The following LOC128462377 variants were observed in gnomAD, a reference collection of about 807,000 sequenced individuals.
chr16:89,330,657 T>TGGGGGGGGGGGG, the LOC128462377 span, among the ~76,000 whole-genome samples: 1 of 5,082 alleles, frequency 2.0e-4, no homozygotes, highest in East Asian at 0.062. Context: ...GTACAGTGAC[T>TGGGGGGGGGGGG]GGGGGGGGGG....
chr16:89,416,955 G>A, the LOC128462377 span, among the ~76,000 whole-genome samples: 2 of 151,798 alleles, frequency 1.3e-5, no homozygotes, highest in African/African-American at 4.8e-5. Flanking sequence ...TCACAACCAG[G>A]CTCAGTCCAC....
the LOC128462377 span, among the ~76,000 whole-genome samples, chr16:89,326,562 GA>G: frequency 1.3e-5 from 2 of 152,080 alleles, no homozygotes; most frequent in Non-Finnish European, 2.9e-5. Context: ...GCAATGTAGG[GA>G]AACCTCATCT....
At chr16:89,357,268 TAAA>T in the LOC128462377 span, among the ~76,000 whole-genome samples, 1 of 152,156 alleles carries the variant, frequency 6.6e-6, no homozygotes, top group East Asian at 1.9e-4. Context: ...AATCTGCTGA[TAAA>T]AGTCACACCA....
chr16:89,321,451 G>T, the LOC128462377 span, among the ~76,000 whole-genome samples: 2 of 145,748 alleles, frequency 1.4e-5, no homozygotes, highest in East Asian at 2.0e-4. Context: ...GGTGTGGGGC[G>T]GGAGCTGCGG....
the LOC128462377 span, among the ~76,000 whole-genome samples, chr16:89,415,850 A>AAAAAAAAAAAAAAAAAAAAT: frequency 6.8e-6 from 1 of 147,384 alleles, no homozygotes; most frequent in Non-Finnish European, 1.5e-5. Context: ...AAAAAAAAAA[A>AAAAAAAAAAAAAAAAAAAAT]CAATGGAGAA....
chr16:89,411,127 A>AGGC, the LOC128462377 span, among the ~76,000 whole-genome samples: 1 of 152,268 alleles, frequency 6.6e-6, no homozygotes, highest in Non-Finnish European at 1.5e-5. Context: ...CCAGGGCAGA[A>AGGC]GGCAGCAGCA....
the LOC128462377 span, among the ~76,000 whole-genome samples, chr16:89,405,193 C>A: frequency 6.6e-6 from 1 of 151,892 alleles, no homozygotes; most frequent in African/African-American, 2.4e-5. Context: ...GACTCCATCT[C>A]AAAAAAATAA....
At chr16:89,351,756 G>A in the LOC128462377 span, among the ~76,000 whole-genome samples, 1 of 152,224 alleles carries the variant, frequency 6.6e-6, no homozygotes, top group Non-Finnish European at 1.5e-5. Context: ...GGAACAAGGA[G>A]TGACGATTAA....
the LOC128462377 span, among the ~76,000 whole-genome samples, chr16:89,405,134 C>T: frequency 0.36 from 55,195 of 151,856 alleles, 11,363 homozygotes; most frequent in Middle Eastern, 0.53. Flanking sequence ...GGCGAGGTTG[C>T]GGTGAGTGGA....
the LOC128462377 span, among the ~76,000 whole-genome samples, chr16:89,333,063 T>C: frequency 6.6e-6 from 1 of 152,160 alleles, no homozygotes; most frequent in Non-Finnish European, 1.5e-5. Flanking sequence ...GAAGGGCCCC[T>C]GTGGGGCATG....
chr16:89,387,915 C>A, the LOC128462377 span, among the ~76,000 whole-genome samples: 1 of 146,310 alleles, frequency 6.8e-6, no homozygotes, highest in Non-Finnish European at 1.5e-5. Context: ...GAGACTGAGG[C>A]AGGAGAATCG....
At chr16:89,345,728 A>C in the LOC128462377 span, among the ~76,000 whole-genome samples, 56 of 152,180 alleles carry the variant, frequency 3.7e-4, no homozygotes, top group African/African-American at 1.4e-3. Flanking sequence ...TCCATGAACA[A>C]ACATTTCAGA....
chr16:89,362,718 G>A, the LOC128462377 span, among the ~76,000 whole-genome samples: 1 of 152,206 alleles, frequency 6.6e-6, no homozygotes. Flanking sequence ...CCACAATTTA[G>A]CCTAAGTATC....
the LOC128462377 span, among the ~76,000 whole-genome samples, chr16:89,386,057 T>G: frequency 0.019 from 2,851 of 152,316 alleles, 82 homozygotes; most frequent in African/African-American, 0.065. Flanking sequence ...TGGGTCCAAT[T>G]TGTCTGCAAG....
chr16:89,321,462 G>GGCTGGAGCT, the LOC128462377 span, among the ~76,000 whole-genome samples: 903 of 150,870 alleles, frequency 6.0e-3, 8 homozygotes, highest in African/African-American at 0.021. Context: ...GGAGCTGCGG[G>GGCTGGAGCT]GCGGGGACTG....
At chr16:89,366,226 C>T in the LOC128462377 span, among the ~76,000 whole-genome samples, 4 of 151,866 alleles carry the variant, frequency 2.6e-5, no homozygotes, top group African/African-American at 7.3e-5. Flanking sequence ...TTATCCAATC[C>T]GTCACTGATA....
chr16:89,388,749 G>A, the LOC128462377 span, among the ~76,000 whole-genome samples: 1 of 152,166 alleles, frequency 6.6e-6, no homozygotes, highest in South Asian at 2.1e-4. Flanking sequence ...ACACAGGTCT[G>A]GAATGGTGCC....
At chr16:89,368,801 G>A in the LOC128462377 span, among the ~76,000 whole-genome samples, 1 of 152,106 alleles carries the variant, frequency 6.6e-6, no homozygotes, top group African/African-American at 2.4e-5. Context: ...AGCTACTCCA[G>A]AGGCAGGCGG....
At chr16:89,323,650 G>T in the LOC128462377 span, 1 of 322,868 alleles carries the variant, frequency 3.1e-6, no homozygotes, top group Non-Finnish European at 6.0e-6. Flanking sequence ...CAGGAACCAG[G>T]CCCTCCCGCA....
Sources: gnomAD v4.1 joint callset for allele counts (sites outside exome capture counted in the v4.1 genomes callset) on GRCh38, gnomAD v4.1.1 for gene constraint, MANE v1.5 for transcripts.